NDST4: variants seen among roughly 807,000 people sequenced by gnomAD.
NDST4 encodes the protein N-deacetylase and N-sulfotransferase 4.
In NDST4, 63 loss-of-function variants were observed where a neutral mutation model predicts 100.8. The ratio of observed to expected loss-of-function variants is 0.62; its 90% CI spans 0.51 to 0.77. NDST4 has a LOEUF of 0.77. Ranked by LOEUF, NDST4 falls within the 30% of genes least tolerant of loss-of-function variation. The pLI is 0.00. For missense variants in NDST4, 943 were observed against 1,018.4 expected (o/e 0.93, Z 1.01); for synonymous variants, 377 against 361.8 (o/e 1.04, Z -0.48).
intron 12 of NDST4, among the ~76,000 whole-genome samples, chr4:114,832,250 A>G (rs1434314197): frequency 2.6e-5 from 4 of 152,136 alleles, no homozygotes; most frequent in Admixed American, 1.3e-4. Context: ...TGTTATTTCC[A>G]TGTGTAGGTA....
intron 6 of NDST4, among the ~76,000 whole-genome samples, chr4:114,904,839 A>G (rs1724916655): frequency 6.6e-6 from 1 of 151,952 alleles, no homozygotes; most frequent in South Asian, 2.1e-4. Flanking sequence ...TGCTATAGAA[A>G]TTCTTCCCAT....
At chr4:114,939,835 G>C (rs966401104) in intron 4 of NDST4, among the ~76,000 whole-genome samples, 1 of 152,144 alleles carries the variant, frequency 6.6e-6, no homozygotes, top group Non-Finnish European at 1.5e-5. Context: ...AATTAAAATA[G>C]TATATCACAC....
At chr4:114,917,729 A>G (rs1725204194) in intron 6 of NDST4, among the ~76,000 whole-genome samples, 1 of 152,204 alleles carries the variant, frequency 6.6e-6, no homozygotes, top group African/African-American at 2.4e-5. Flanking sequence ...CCAAACACAC[A>G]CATAATGAAG....
At chr4:115,070,826 C>T (rs542191138) in intron 2 of NDST4, among the ~76,000 whole-genome samples, 5 of 152,144 alleles carry the variant, frequency 3.3e-5, no homozygotes, top group African/African-American at 7.2e-5. Flanking sequence ...GTATTCTGGC[C>T]GGGCACGGTG....
In NDST4 at chr4:115,042,249, G is replaced by A. The variant is rs567633623; in HGVS notation, c.978+33810C>T. Among the ~76,000 whole-genome samples, 17 of 152,162 alleles carry A rather than the reference G, an allele frequency of 1.1e-4. No individual in the cohort carries two copies. The East Asian group carries it at 2.9e-3, about 26-fold the overall frequency. On this transcript the variant is annotated intron_variant, in intron 2 of 13. Coordinates refer to ENST00000264363, the MANE Select transcript of NDST4 (RefSeq NM_022569.3). ...TTATCCCTTTGTCCAGTGTATCTAT[G>A]CTATATACACTACCCGCCCTTTGGC...
intron 2 of NDST4, among the ~76,000 whole-genome samples, chr4:114,980,193 C>A (rs1026519726): frequency 2.0e-5 from 3 of 152,000 alleles, no homozygotes; most frequent in African/African-American, 4.8e-5. Flanking sequence ...TCTTTTAAAA[C>A]CCTTCAATTT....
At chr4:114,836,038 A>G (rs752890407) in intron 11 of NDST4, among the ~76,000 whole-genome samples, 6 of 152,210 alleles carry the variant, frequency 3.9e-5, no homozygotes, top group Non-Finnish European at 8.8e-5. Context: ...TGAATACAGC[A>G]TACCAGTGGG....
At chr4:115,003,570 TA>T (rs1727345641) in intron 2 of NDST4, among the ~76,000 whole-genome samples, 1 of 152,120 alleles carries the variant, frequency 6.6e-6, no homozygotes, top group African/African-American at 2.4e-5. Context: ...TATTCTTTTT[TA>T]AAAAAAGGGG....
Position 114,970,596 on chromosome 4 carries a change from A to T in NDST4, c.1067-12T>A. On this transcript the variant is annotated splice_polypyrimidine_tract_variant and intron_variant, in intron 3 of 13. Coordinates refer to ENST00000264363, the MANE Select transcript of NDST4 (RefSeq NM_022569.3). ...TTCCTCTTCAGTCCCTTTAAAACAT[A>T]AAGTTAAAAATAACTTTAGTGAAAA... 7 of 1,598,994 alleles carry T rather than the reference A, an allele frequency of 4.4e-6. No homozygotes were observed. Among genetic ancestry groups the T allele is most frequent in the Non-Finnish European group, 6.0e-6 (7 of 1,172,272 alleles).
chr4:115,032,619 A>G (rs1346692986), intron 2 of NDST4, among the ~76,000 whole-genome samples: 1 of 152,164 alleles, frequency 6.6e-6, no homozygotes, highest in African/African-American at 2.4e-5. Flanking sequence ...TATATAATTA[A>G]ATAATAGAGT....
At chr4:114,926,114 A>T (rs1348755399) in intron 6 of NDST4, among the ~76,000 whole-genome samples, 1 of 152,128 alleles carries the variant, frequency 6.6e-6, no homozygotes, top group African/African-American at 2.4e-5. Context: ...TACAGGAAGG[A>T]TGTGGCACCA....
intron 2 of NDST4, among the ~76,000 whole-genome samples, chr4:114,989,360 G>T (rs1726986094): frequency 6.6e-6 from 1 of 152,086 alleles, no homozygotes; most frequent in South Asian, 2.1e-4. Context: ...AAGACATTTT[G>T]GTGTAATTTA....
intron 12 of NDST4, among the ~76,000 whole-genome samples, chr4:114,832,197 G>C (rs558485595): frequency 2.0e-4 from 30 of 152,272 alleles, no homozygotes; most frequent in Admixed American, 5.2e-4. Flanking sequence ...CATATTATAG[G>C]AAGCTTCGTT....
intron 8 of NDST4, among the ~76,000 whole-genome samples, chr4:114,850,460 T>C (rs72893333): frequency 0.038 from 5,760 of 152,222 alleles, 336 homozygotes; most frequent in African/African-American, 0.13. Context: ...TAATCAGCCA[T>C]AAAATCTGGG....
intron 10 of NDST4, among the ~76,000 whole-genome samples, chr4:114,843,004 A>C (rs1417381859): frequency 3.3e-5 from 5 of 152,140 alleles, no homozygotes; most frequent in Non-Finnish European, 7.4e-5. Context: ...TTATTATAGT[A>C]CTAGACTCAT....
chr4:115,088,252 C>T (rs1366690215), intron 1 of NDST4, among the ~76,000 whole-genome samples: 2 of 151,590 alleles, frequency 1.3e-5, no homozygotes, highest in African/African-American at 2.4e-5. Context: ...GTTTCCCAAA[C>T]TGAAAAATTC....
intron 2 of NDST4, among the ~76,000 whole-genome samples, chr4:114,981,930 G>T (rs903849403): frequency 3.3e-5 from 5 of 152,064 alleles, no homozygotes; most frequent in African/African-American, 1.2e-4. Flanking sequence ...GGATTCTGAG[G>T]GTGGTTTCTA....
chr4:114,917,297 A>G (rs1725194958), intron 6 of NDST4, among the ~76,000 whole-genome samples: 1 of 152,186 alleles, frequency 6.6e-6, no homozygotes, highest in East Asian at 1.9e-4. Context: ...GTTTGAATCT[A>G]TGAATGTGGT....
chr4:114,971,048 C>T (rs74616613), intron 3 of NDST4, among the ~76,000 whole-genome samples: 1 of 151,852 alleles, frequency 6.6e-6, no homozygotes. Flanking sequence ...AAAACAAACA[C>T]AAAAACAACA....
Sources: allele counts gnomAD v4.1 joint callset (sites outside exome capture counted in the v4.1 genomes callset), GRCh38; gene constraint gnomAD v4.1.1; transcripts MANE v1.5; gene names NCBI Gene and HGNC (gene_info 2026-07-23, HGNC 2026-07-21).